The following SAG variants were observed in gnomAD, a reference collection of about 807,000 sequenced individuals.
The protein encoded by SAG is S-arrestin.
In SAG, 45 loss-of-function variants were observed where a neutral mutation model predicts 55.0. That is an observed-to-expected ratio of 0.82 (90% CI 0.64 to 1.05). The LOEUF (loss-of-function observed/expected upper bound fraction) is 1.05. Among genes scored for constraint, SAG ranks in the 50% least tolerant of loss-of-function variants. SAG has a pLI of 0.00. For missense variants in SAG, 455 were observed against 512.1 expected (o/e 0.89, Z 1.08); for synonymous variants, 189 against 197.4 (o/e 0.96, Z 0.36).
intron 11 of SAG, among the ~76,000 whole-genome samples, chr2:233,336,805 G>A (rs1454896051): frequency 6.6e-6 from 1 of 152,138 alleles, no homozygotes; most frequent in Non-Finnish European, 1.5e-5. Context: ...GCAAGGTAGA[G>A]TTAATCTCAG....
chr2:233,328,146 C>A (rs1700629521), intron 7 of SAG: 1 of 249,612 alleles, frequency 4.0e-6, no homozygotes. Flanking sequence ...GCAGCTATTC[C>A]ATGAGGCCCT....
chr2:233,310,506 C>CTTTTTTT (rs967605903), intron 2 of SAG, among the ~76,000 whole-genome samples: 1 of 115,432 alleles, frequency 8.7e-6, no homozygotes, highest in Non-Finnish European at 1.7e-5. Flanking sequence ...ATCATTCTGG[C>CTTTTTTT]TTTTTTTTTT....
chr2:233,321,568 A>G (rs1236329530), intron 5 of SAG, among the ~76,000 whole-genome samples: 5 of 152,166 alleles, frequency 3.3e-5, no homozygotes, highest in African/African-American at 9.7e-5. Flanking sequence ...AGATTCATAC[A>G]GACAGAGACA....
chr2:233,330,338 A>G (rs1039106634), intron 9 of SAG, among the ~76,000 whole-genome samples: 1 of 152,132 alleles, frequency 6.6e-6, no homozygotes, highest in Admixed American at 6.5e-5. Flanking sequence ...TCCAGTCCTA[A>G]AATGGGCTCT....
chr2:233,337,944 G>C (rs1268247992), intron 11 of SAG, among the ~76,000 whole-genome samples: 1 of 152,254 alleles, frequency 6.6e-6, no homozygotes, highest in Non-Finnish European at 1.5e-5. Flanking sequence ...GTACGTATTA[G>C]TGGGATCTGG....
chr2:233,326,047 TTCCCC>T lies in SAG; in HGVS notation c.436-1070_436-1066del, dbSNP rs958933305. Reference sequence around the variant, plus strand: ...TCCTGTAATTTTTGCCAGCTCTACTTTCCCCTCCAGGCAGTGGTGGAGGGCAGGCC... The same window carrying T: ...TCCTGTAATTTTTGCCAGCTCTACTTTCCAGGCAGTGGTGGAGGGCAGGCC... On this transcript the variant is annotated intron_variant, in intron 6 of 15. Transcript: ENST00000409110. Among the ~76,000 whole-genome samples, 66 of 152,258 alleles carry T rather than the reference TTCCCC, an allele frequency of 4.3e-4. 2 individuals are homozygous for T. The highest frequency in any genetic ancestry group is 1.6e-3 in the African/African-American group (66 of 41,566).
At chr2:233,333,323 G>T (rs1248323135) in intron 10 of SAG, 3 of 152,234 alleles carry the variant, frequency 2.0e-5, no homozygotes, top group Non-Finnish European at 4.4e-5. Flanking sequence ...AGCAACATGG[G>T]AGCAAAGGAT....
Position 233,323,013 on chromosome 2 carries a change from C to A in SAG, c.435+8C>A. ...CCACAAGATTCAGGGAAGGTTAGTT[C>A]AAGAAGAAATGCCATGGTTTTATGG... On this transcript the variant is annotated splice_region_variant and intron_variant, in intron 6 of 15. Coordinates refer to ENST00000409110, the MANE Select transcript of SAG (RefSeq NM_000541.5). 6.5e-7 allele frequency: 1 copy of A among 1,534,300 alleles called. No individual in the cohort carries two copies. The highest frequency in any genetic ancestry group is 1.9e-5 in the Admixed American group (1 of 53,920).
intron 14 of SAG, chr2:233,344,296 A>T (rs1701190085): frequency 6.6e-6 from 1 of 152,016 alleles, no homozygotes; most frequent in Admixed American, 6.6e-5. Flanking sequence ...TCAACCTCCC[A>T]AGTAGCTGGG....
At chr2:233,327,818 G>C (rs965776921) in intron 7 of SAG, 2 of 152,648 alleles carry the variant, frequency 1.3e-5, no homozygotes, top group Non-Finnish European at 2.9e-5. Context: ...CCAAAGTGCT[G>C]GGATTACAGG....
intron 11 of SAG, 97 bp downstream of exon 11, chr2:233,335,196 G>T (rs531452038): frequency 5.6e-6 from 8 of 1,441,196 alleles, no homozygotes; most frequent in Middle Eastern, 2.5e-4. Flanking sequence ...AGGCACGCAC[G>T]TGCAGCATGG....
At position 233,309,263 on chromosome 2, in the gene SAG, C is replaced by T. The variant is rs374930316; in HGVS notation, c.74C>T (p.Ser25Leu). 1.9e-4 allele frequency: 312 copies of T among 1,611,910 alleles called. No homozygotes were observed. Among genetic ancestry groups the T allele is most frequent in the Admixed American group, 1.2e-3 (69 of 59,964 alleles). ...TTCAAGAAGATCTCCCGGGACAAAT[C>T]GGTGAGTGGTGCACAAGTGAGTGAT... is the stretch of plus-strand genomic sequence containing the variant. ...VIFKKISRDK[S>L]VTIYLGNRDY... The change falls in exon 2 of 16, where the codon TCG becomes TTG. Residue 25 changes from serine to leucine, a missense_variant and splice_region_variant. Physicochemically the swap from Ser to Leu is moderately radical, Grantham distance 145. Coordinates refer to ENST00000409110, the MANE Select transcript of SAG (RefSeq NM_000541.5).
intron 7 of SAG, chr2:233,328,266 C>G (rs1048915863): frequency 2.1e-6 from 1 of 482,814 alleles, no homozygotes; most frequent in East Asian, 3.3e-5. Flanking sequence ...CAGCTTCCCC[C>G]ACAGGGAAGG....
chr2:233,343,499 C>T, intron 14 of SAG: 1 of 262,388 alleles, frequency 3.8e-6, no homozygotes, highest in Non-Finnish European at 7.4e-6. Flanking sequence ...TCTACTGGCT[C>T]TTGTATGGAT....
At chr2:233,328,343 G>A in intron 7 of SAG, 135 bp from the exon 8 acceptor site, 2 of 1,073,320 alleles carry the variant, frequency 1.9e-6, no homozygotes, top group Non-Finnish European at 2.7e-6. Context: ...CAGTGTCGTT[G>A]CCCTCTTCCC....
chr2:233,310,552 G>A (rs1161676924), intron 2 of SAG, among the ~76,000 whole-genome samples: 2 of 130,082 alleles, frequency 1.5e-5, no homozygotes, highest in Non-Finnish European at 3.1e-5. Flanking sequence ...CTCTGTCACC[G>A]AGGCTGGAGT....
chr2:233,334,802 T>A, intron 10 of SAG, 160 bp from the exon 11 acceptor site: 1 of 737,454 alleles, frequency 1.4e-6, no homozygotes, highest in Non-Finnish European at 2.3e-6. Flanking sequence ...CAAGCACTGT[T>A]CTGCTTCTCG....
chr2:233,327,367 A>G, intron 7 of SAG, 170 bp downstream of exon 7: 1 of 523,900 alleles, frequency 1.9e-6, no homozygotes, highest in Non-Finnish European at 3.5e-6. Context: ...GGGGAAAAAA[A>G]AGAAAACAAG....
rs145371576 is a variant in SAG at position 233,323,765 on chromosome 2, C to T, written c.435+760C>T. 6.6e-5 allele frequency among the ~76,000 whole-genome samples: 10 copies of T among 152,294 alleles called. No homozygotes were observed. In the East Asian group the frequency reaches 1.9e-3, roughly 29 times the overall value. On this transcript the variant is annotated intron_variant, in intron 6 of 15. Coordinates refer to ENST00000409110, the MANE Select transcript of SAG (RefSeq NM_000541.5). ...CCTCTATGAACCCATCACTCATCTT[C>T]AGCAGTTATTAACCATGAACATCCT...
Sources: gnomAD v4.1 joint callset for allele counts (sites outside exome capture counted in the v4.1 genomes callset) on GRCh38, gnomAD v4.1.1 for gene constraint, MANE v1.5 for transcripts, NCBI Gene and HGNC (gene_info 2026-07-23, HGNC 2026-07-21) for gene names.